Variants in SON observed in about 807,000 individuals in gnomAD.
SON encodes the protein SON DNA and RNA binding protein.
Under a neutral mutation model 173.3 loss-of-function variants are expected in SON, and 4 were observed. That is an observed-to-expected ratio of 0.02 (90% CI 0.01 to 0.05). SON has a LOEUF of 0.05. Among genes scored for constraint, SON ranks in the 10% least tolerant of loss-of-function variants. The probability of loss-of-function intolerance (pLI) is 1.00; values close to 1 mark genes in which losing one functional copy is unlikely to be tolerated. For synonymous variants in SON, 1,190 were observed against 1,105.9 expected, an observed-to-expected ratio of 1.08 and a Z score of -1.51; for missense variants, 2,626 against 3,055.3, an observed-to-expected ratio of 0.86 and a Z score of 3.31.
rs1163452958 is a variant in SON at position 33,550,523 on chromosome 21, C to T, written c.1292C>T (p.Pro431Leu). 1.2e-6 allele frequency: 2 copies of T among 1,613,782 alleles called. No individual in the cohort carries two copies. The highest frequency in any genetic ancestry group is 1.7e-6 in the Non-Finnish European group (2 of 1,179,936). ...STPVPELPGP[P>L]ATAVPELPGP... ...CCAGTGCCTGAGTTGCCAGGGCCCC[C>T]TGCGACAGCAGTGCCTGAGTTGCCA... Residue 431 changes from proline to leucine, a missense_variant, in exon 3 of 12, where the codon CCT becomes CTT. Pro to Leu is a moderately conservative substitution (Grantham distance 98, BLOSUM62 -3). Coordinates refer to ENST00000356577, the MANE Select transcript of SON (RefSeq NM_138927.4).
In SON at chr21:33,559,512, A is replaced by T; in HGVS notation, c.6469-75A>T. ...TAATGGATAATATCATTTCCTTCAGATTATGTAGAAAATCTCAAACCATTT... is the reference window on the plus strand; with the variant it reads ...TAATGGATAATATCATTTCCTTCAGTTTATGTAGAAAATCTCAAACCATTT... On this transcript the variant is annotated intron_variant, in intron 5 of 11. Coordinates refer to ENST00000356577, the MANE Select transcript of SON (RefSeq NM_138927.4). The surrounding 1 kb of genome is among the most constrained non-coding windows in gnomAD (Gnocchi z 4.1). 6.7e-7 allele frequency: 1 copy of T among 1,482,432 alleles called. No homozygotes were observed. Among genetic ancestry groups the T allele is most frequent in the Non-Finnish European group, 9.1e-7 (1 of 1,094,840 alleles). The allele number at this position is 1,482,432 out of a possible 1,614,324, so 91.8% of individuals were successfully genotyped here. A position where few individuals can be genotyped will look rare whatever the true frequency, so the allele number is the denominator to read the frequency against.
chr21:33,543,071 T>G lies in SON; in HGVS notation c.-22T>G, dbSNP rs777217958. On this transcript the variant is annotated 5_prime_UTR_variant, in exon 1 of 12. Transcript: ENST00000356577. ...AGCCTGGAGGACTAGCGAGGAGGAG[T>G]TGAGAGAACGGAGCGGACGCCATGG... 6.2e-7 allele frequency: 1 copy of G among 1,612,502 alleles called. No homozygotes were observed. Among genetic ancestry groups the G allele is most frequent in the Non-Finnish European group, 8.5e-7 (1 of 1,178,762 alleles).
chr21:33,569,243 C>G, intron 8 of SON, 156 bp downstream of exon 8: 1 of 556,804 alleles, frequency 1.8e-6, no homozygotes, highest in South Asian at 2.4e-5. Flanking sequence ...TGAAGACGGA[C>G]TGGATTCATG....
chr21:33,556,750 C>A (rs1483407903), intron 3 of SON, among the ~76,000 whole-genome samples: 2 of 149,252 alleles, frequency 1.3e-5, no homozygotes, highest in African/African-American at 2.5e-5. Flanking sequence ...TGAACTGGGG[C>A]TCAAAGAGTG....
chr21:33,546,239 G>A lies in SON; in HGVS notation c.104G>A (p.Gly35Asp). 6.2e-7 allele frequency: 1 copy of A among 1,612,092 alleles called. No individual in the cohort carries two copies. Among genetic ancestry groups the A allele is most frequent in the Non-Finnish European group, 8.5e-7 (1 of 1,179,396 alleles). Residue 35 changes from glycine to aspartate, a missense_variant, in exon 2 of 12, where the codon GGT (glycine) becomes GAT (aspartate). Gly to Asp is a moderately conservative substitution (Grantham distance 94). Transcript: ENST00000356577. ...SSGRNEGQLNGETNTPIEGNQ... is the reference protein window; with the variant it reads ...SSGRNEGQLNDETNTPIEGNQ... ...GGAAGGAATGAAGGCCAGCTGAATG[G>A]TGAAACAAATACACCCATTGAAGGA...
intron 6 of SON, among the ~76,000 whole-genome samples, chr21:33,561,284 ATC>A (rs2086066398): frequency 1.3e-5 from 2 of 152,238 alleles, no homozygotes; most frequent in Non-Finnish European, 2.9e-5. Flanking sequence ...CTACCTGCAT[ATC>A]TCAAGAGAGA....
At chr21:33,570,628 A>T (rs1047238938) in intron 8 of SON, among the ~76,000 whole-genome samples, 8 of 152,320 alleles carry the variant, frequency 5.3e-5, no homozygotes, top group African/African-American at 1.9e-4. Context: ...AGTGATTTAT[A>T]TAATATTTGA....
Position 33,576,591 on chromosome 21 carries a change from A to T in SON, c.*167A>T, listed in dbSNP as rs1484364975. 2.1e-5 allele frequency: 15 copies of T among 720,552 alleles called. No homozygotes were observed. The highest frequency in any genetic ancestry group is 2.6e-6 in the Non-Finnish European group (1 of 384,362). 44.6% of individuals were successfully genotyped at this position (720,552 alleles called of 1,614,324 possible). A position where few individuals can be genotyped will look rare whatever the true frequency, so the allele number is the denominator to read the frequency against. Reference sequence around the variant, plus strand: ...CACGTAGATAGATTGAGGTTTTATAATAATCATTTCAGAATTTTACTCTGC... The same window carrying T: ...CACGTAGATAGATTGAGGTTTTATATTAATCATTTCAGAATTTTACTCTGC... On this transcript the variant is annotated 3_prime_UTR_variant, in exon 12 of 12. Coordinates refer to ENST00000356577, the MANE Select transcript of SON (RefSeq NM_138927.4).
At chr21:33,572,720 G>T in intron 8 of SON, 1 of 566,430 alleles carries the variant, frequency 1.8e-6, no homozygotes, top group Non-Finnish European at 2.9e-6. Context: ...ATACTTACAG[G>T]ATATTTTATG....
In SON at chr21:33,551,863, T is replaced by G. The variant is rs1569054476; in HGVS notation, c.2632T>G (p.Ser878Ala). 4 of 1,613,964 alleles carry G rather than the reference T, an allele frequency of 2.5e-6. No homozygotes were observed. The highest frequency in any genetic ancestry group is 3.4e-6 in the Non-Finnish European group (4 of 1,179,980). ...CACTATGGACTCTCAAATGTTAGCT[T>G]CTGGCACCATGGATGCTCAGATGTT... ...SGTMDSQMLA[S>A]GTMDAQMLAS... Residue 878 changes from serine (S) to alanine (A), a missense_variant, in exon 3 of 12, where the codon TCT becomes GCT. Physicochemically the swap from Ser to Ala is moderately conservative, Grantham distance 99 (BLOSUM62 1). Transcript: ENST00000356577.
chr21:33,554,193 C>T lies in SON; in HGVS notation c.4962C>T (p.Asp1654=), dbSNP rs2085896937. ...GTCCTAGTGGTGGTAGTGAAGCTGA[C>T]ATTGAAGGGCCTTTGCCTGCTAAAG... ...STSPSGGSEA[D]IEGPLPAKDI... Residue 1654 remains aspartate (D), a synonymous_variant, in exon 3 of 12, where the codon GAC becomes GAT. Coordinates refer to ENST00000356577, the MANE Select transcript of SON (RefSeq NM_138927.4). 3.7e-6 allele frequency: 6 copies of T among 1,614,126 alleles called. No homozygotes were observed. The highest frequency in any genetic ancestry group is 1.3e-5 in the African/African-American group (1 of 75,028).
At chr21:33,574,987 T>C (rs1181421919) in intron 9 of SON, among the ~76,000 whole-genome samples, 1 of 152,176 alleles carries the variant, frequency 6.6e-6, no homozygotes, top group African/African-American at 2.4e-5. Context: ...GAGTCTTAAC[T>C]GAAGCTTATT....
chr21:33,569,631 C>T (rs2086241926), intron 8 of SON: 1 of 462,574 alleles, frequency 2.2e-6, no homozygotes, highest in South Asian at 1.6e-5. Context: ...CTCTTGTGAC[C>T]TGTAGCCCCA....
chr21:33,552,991 G>GTTTT lies in SON; in HGVS notation c.3760_3761insTTTT (p.Glu1254ValfsTer22), dbSNP rs1327840858. On this transcript the variant is annotated frameshift_variant, in exon 3 of 12. Transcript: ENST00000356577. LOFTEE classifies it high-confidence loss of function. This position sits in a 1 kb window ranked among gnomAD's most constrained non-coding sequence, Gnocchi z 5.6. ...TGTGACTGTTCCAGAACCACCACCAGAGCCAGAATCTTCAATTACGTTAAC... is the reference window on the plus strand; with the variant it reads ...TGTGACTGTTCCAGAACCACCACCAGTTTTAGCCAGAATCTTCAATTACGTTAAC... The GTTTT allele has an allele frequency of 3.1e-6, 5 of 1,614,130 alleles. No homozygotes were observed. Among genetic ancestry groups the GTTTT allele is most frequent in the Non-Finnish European group, 4.2e-6 (5 of 1,179,994 alleles).
chr21:33,556,858 C>T (rs777177039), intron 3 of SON, among the ~76,000 whole-genome samples: 1 of 151,702 alleles, frequency 6.6e-6, no homozygotes, highest in Non-Finnish European at 1.5e-5. Context: ...GTAGGGTGAT[C>T]ATTATAGTTG....
rs144777561 is a variant in SON at position 33,552,806 on chromosome 21, A to T, written c.3575A>T (p.Glu1192Val). 6.2e-7 allele frequency: 1 copy of T among 1,613,820 alleles called. No individual in the cohort carries two copies. The highest frequency in any genetic ancestry group is 1.3e-5 in the African/African-American group (1 of 74,920). Residue 1192 changes from glutamate (E) to valine (V), a missense_variant, in exon 3 of 12, where the codon GAA (glutamate) becomes GTA (valine). Transcript: ENST00000356577. This position sits in a 1 kb window ranked among gnomAD's most constrained non-coding sequence, Gnocchi z 5.6. ...LPTEQSALTA[E>V]NTWPTEVPSS... is the part of the protein sequence containing the mutation. ...ACTGAGCAGTCAGCATTAACAGCTG[A>T]AAATACTTGGCCTACAGAGGTGCCA...
intron 2 of SON, among the ~76,000 whole-genome samples, chr21:33,549,191 C>T (rs2085694400): frequency 6.9e-6 from 1 of 145,800 alleles, no homozygotes; most frequent in Non-Finnish European, 1.5e-5. Context: ...TGATCCGCCT[C>T]AGCCTCCCAA....
chr21:33,564,687 C>T (rs952966126), intron 6 of SON, among the ~76,000 whole-genome samples: 9 of 151,962 alleles, frequency 5.9e-5, no homozygotes, highest in Admixed American at 2.6e-4. Flanking sequence ...ATGGAGAAAC[C>T]GCGTCTCTCC....
At position 33,559,634 on chromosome 21, in the gene SON, A is replaced by G; in HGVS notation, c.6516A>G (p.Thr2172=). 2 of 1,613,734 alleles carry G rather than the reference A, an allele frequency of 1.2e-6. No individual in the cohort carries two copies. The highest frequency in any genetic ancestry group is 1.7e-6 in the Non-Finnish European group (2 of 1,179,944). ...PTPPKSQVTL[T]KEFPVSSGSQ... ...CACCAAAAAGCCAGGTAACATTAAC[A>G]AAAGAATTCCCTGTATCATCTGGAT... is the stretch of plus-strand genomic sequence containing the variant. The change falls in exon 6 of 12, where the codon ACA becomes ACG. Residue 2172 remains threonine (T), a synonymous_variant. Coordinates refer to ENST00000356577, the MANE Select transcript of SON (RefSeq NM_138927.4). The surrounding 1 kb of genome is among the most constrained non-coding windows in gnomAD (Gnocchi z 4.1).
Sources: allele counts gnomAD v4.1 joint callset (sites outside exome capture counted in the v4.1 genomes callset), GRCh38; gene constraint gnomAD v4.1.1; non-coding constraint Gnocchi (gnomAD v3.1); transcripts MANE v1.5; gene names NCBI Gene and HGNC (gene_info 2026-07-23, HGNC 2026-07-21).